Variants in ASCC3 observed in about 807,000 individuals in gnomAD.
The protein encoded by ASCC3 is activating signal cointegrator 1 complex subunit 3, also known as ASC-1 complex subunit P200.
ASCC3 carries 158 observed loss-of-function variants against 256.3 expected under a neutral mutation model. That is an observed-to-expected ratio of 0.62 (90% CI 0.54 to 0.70). The LOEUF (loss-of-function observed/expected upper bound fraction) is 0.70. Ranked by LOEUF, ASCC3 falls within the 30% of genes least tolerant of loss-of-function variation. The pLI is 0.00. For missense variants in ASCC3, 2,259 were observed against 2,626.0 expected (o/e 0.86, Z 3.05); for synonymous variants, 948 against 883.4 (o/e 1.07, Z -1.30).
intron 1 of ASCC3, among the ~76,000 whole-genome samples, chr6:100,876,049 C>A (rs527422959): frequency 1.8e-4 from 27 of 152,186 alleles, no homozygotes; most frequent in Admixed American, 1.1e-3. Flanking sequence ...AAAAGTTGAG[C>A]AATCAGGAGA....
intron 13 of ASCC3, among the ~76,000 whole-genome samples, chr6:100,701,077 T>C (rs945543157): frequency 4.6e-5 from 7 of 152,172 alleles, no homozygotes; most frequent in Non-Finnish European, 1.0e-4. Context: ...ACAATTCCCA[T>C]GTTTCATGGG....
chr6:100,756,371 T>G (rs1562274719), intron 10 of ASCC3, among the ~76,000 whole-genome samples: 1 of 152,084 alleles, frequency 6.6e-6, no homozygotes, highest in Non-Finnish European at 1.5e-5. Flanking sequence ...TTAATTTAAC[T>G]TAAGTAATTC....
chr6:100,829,221 CG>C (rs1293717899), intron 4 of ASCC3, among the ~76,000 whole-genome samples: 3 of 152,168 alleles, frequency 2.0e-5, no homozygotes, highest in African/African-American at 7.2e-5. Flanking sequence ...AGACCCGCAC[CG>C]TGCACCTGCA....
Position 100,662,332 on chromosome 6 carries a change from G to C in ASCC3, c.2478+13C>G, listed in dbSNP as rs753545549. 5 of 1,610,500 alleles carry C rather than the reference G, an allele frequency of 3.1e-6. No individual in the cohort carries two copies. In the Admixed American group the frequency reaches 6.7e-5, roughly 22 times the overall value. ...CACACAAAATCCATTTATCAAGGAAGGTAAGCTCTTACCTTAATAATAACA... is the reference window on the plus strand; with the variant it reads ...CACACAAAATCCATTTATCAAGGAACGTAAGCTCTTACCTTAATAATAACA... On this transcript the variant is annotated intron_variant, in intron 15 of 41. Coordinates refer to ENST00000369162, the MANE Select transcript of ASCC3 (RefSeq NM_006828.4).
At chr6:100,655,609 G>T in intron 17 of ASCC3, 90 bp downstream of exon 17, 4 of 1,462,140 alleles carry the variant, frequency 2.7e-6, no homozygotes, top group South Asian at 1.2e-5. Context: ...TTTCAGATGA[G>T]GCAAGAGCAG....
intron 34 of ASCC3, among the ~76,000 whole-genome samples, chr6:100,593,295 T>A (rs537343773): frequency 1.5e-4 from 23 of 152,262 alleles, no homozygotes; most frequent in Admixed American, 1.3e-3. Flanking sequence ...CTACACAAGC[T>A]AACTTCTATT....
At chr6:100,865,710 C>CA (rs1319656687) in intron 2 of ASCC3, among the ~76,000 whole-genome samples, 1 of 152,114 alleles carries the variant, frequency 6.6e-6, no homozygotes, top group East Asian at 1.9e-4. Flanking sequence ...TATCATTCTA[C>CA]AATAGATTCA....
rs543368063 is a variant in ASCC3 at position 100,613,992 on chromosome 6, A to G, written c.4786-6904T>C. On this transcript the variant is annotated intron_variant, in intron 30 of 41. Coordinates refer to ENST00000369162, the MANE Select transcript of ASCC3 (RefSeq NM_006828.4). ...GTCTATGTCCCTTGCACTTGGCCTA[A>G]TTCTTAATAAAAGCAGTATCAAAAC... 7.9e-4 allele frequency among the ~76,000 whole-genome samples: 120 copies of G among 152,244 alleles called. 1 individual carries two copies. The highest frequency in any genetic ancestry group is 1.3e-3 in the Non-Finnish European group (90 of 67,992).
At chr6:100,692,062 C>A (rs558617833) in intron 13 of ASCC3, among the ~76,000 whole-genome samples, 1 of 152,204 alleles carries the variant, frequency 6.6e-6, no homozygotes, top group African/African-American at 2.4e-5. Context: ...TTCTAACATT[C>A]ACCCAGATTT....
chr6:100,602,155 T>C (rs1479268133), intron 33 of ASCC3, among the ~76,000 whole-genome samples: 2 of 152,080 alleles, frequency 1.3e-5, no homozygotes, highest in Non-Finnish European at 2.9e-5. Context: ...ACCATGAGTC[T>C]ATAAATCACT....
chr6:100,650,674 C>T lies in ASCC3; in HGVS notation c.3116G>A (p.Ser1039Asn), dbSNP rs553301354. Residue 1039 changes from serine (S) to asparagine (N), a missense_variant, in exon 20 of 42, where the codon AGC becomes AAC. By Grantham distance (46) the Ser-to-Asn change is conservative. Around this residue, in one of 2 missense-constraint regions of ASCC3, gnomAD observed 1,839 missense variants for 2,206.7 expected, o/e 0.83. Coordinates refer to ENST00000369162, the MANE Select transcript of ASCC3 (RefSeq NM_006828.4). ...EEIEELDTLL[S>N]NFCELSTPGG... ...AGGAGTGGAGAGTTCACAAAAATTG[C>T]TTAATAAGGTATCTAACTCCTCTAT... The T allele has an allele frequency of 5.9e-5, 95 of 1,612,084 alleles. No homozygotes were observed. The highest frequency in any genetic ancestry group is 7.5e-5 in the Non-Finnish European group (88 of 1,178,706).
chr6:100,827,953 G>A (rs1771404290), intron 4 of ASCC3, among the ~76,000 whole-genome samples: 1 of 151,644 alleles, frequency 6.6e-6, no homozygotes, highest in African/African-American at 2.4e-5. Flanking sequence ...GTAGACAAAG[G>A]CAGCTCAAAA....
At chr6:100,692,451 G>A (rs908513819) in intron 13 of ASCC3, among the ~76,000 whole-genome samples, 20 of 151,682 alleles carry the variant, frequency 1.3e-4, no homozygotes, top group African/African-American at 4.6e-4. Flanking sequence ...AAAAATATAT[G>A]AGCTTGAACA....
intron 10 of ASCC3, among the ~76,000 whole-genome samples, chr6:100,747,995 G>A (rs57169693): frequency 0.04 from 6,006 of 151,836 alleles, 147 homozygotes; most frequent in African/African-American, 0.057. Flanking sequence ...TGAATAAATA[G>A]CTTTTATCCT....
At chr6:100,789,522 G>T (rs761932002) in intron 8 of ASCC3, among the ~76,000 whole-genome samples, 2 of 151,998 alleles carry the variant, frequency 1.3e-5, no homozygotes, top group African/African-American at 2.4e-5. Flanking sequence ...GCAAACCTGA[G>T]AATTATTATC....
intron 8 of ASCC3, among the ~76,000 whole-genome samples, chr6:100,768,285 C>G (rs1200367726): frequency 6.6e-6 from 1 of 151,914 alleles, no homozygotes; most frequent in Non-Finnish European, 1.5e-5. Flanking sequence ...TTATTACTTC[C>G]CTTTAATCAA....
At chr6:100,790,353 C>A (rs1450544349) in intron 8 of ASCC3, among the ~76,000 whole-genome samples, 1 of 151,908 alleles carries the variant, frequency 6.6e-6, no homozygotes, top group Non-Finnish European at 1.5e-5. Context: ...TTCTTAAAGC[C>A]AGGATCATAG....
chr6:100,852,797 G>A (rs980230647), intron 3 of ASCC3, among the ~76,000 whole-genome samples: 2 of 152,020 alleles, frequency 1.3e-5, no homozygotes, highest in Non-Finnish European at 2.9e-5. Context: ...ATAAAACACT[G>A]AATAACATAA....
chr6:100,797,538 T>G (rs187696928), intron 8 of ASCC3, among the ~76,000 whole-genome samples: 1 of 140,102 alleles, frequency 7.1e-6, no homozygotes, highest in Admixed American at 6.9e-5. Context: ...TAATAAATCT[T>G]AATGATGATA....
Sources: allele counts gnomAD v4.1 joint callset (sites outside exome capture counted in the v4.1 genomes callset), GRCh38; gene constraint gnomAD v4.1.1; regional missense constraint gnomAD v4.1.1; transcripts MANE v1.5; gene names NCBI Gene and HGNC (gene_info 2026-07-23, HGNC 2026-07-21).